CCDC68: variants seen among roughly 807,000 people sequenced by gnomAD.
The protein encoded by CCDC68 is coiled-coil domain containing 68.
CCDC68 carries 45 observed loss-of-function variants against 47.1 expected under a neutral mutation model. The observed-to-expected ratio is 0.96, with a 90% CI of 0.75 to 1.23. The LOEUF (loss-of-function observed/expected upper bound fraction) is 1.23, where lower values mean the gene tolerates loss of function less well. Among genes scored for constraint, CCDC68 ranks in the 50% most tolerant of loss-of-function variants. CCDC68 has a pLI of 0.00. For synonymous variants in CCDC68, 131 were observed against 129.5 expected (o/e 1.01, Z -0.08); for missense variants, 353 against 373.6 (o/e 0.94, Z 0.45).
chr18:54,951,407 G>A (rs932360746), intron 1 of CCDC68, among the ~76,000 whole-genome samples: 35 of 152,278 alleles, frequency 2.3e-4, no homozygotes, highest in African/African-American at 7.5e-4. Context: ...TATATGCCAG[G>A]TAGGGTATGC....
chr18:54,937,175 A>G (rs2044364394), intron 5 of CCDC68: 19 of 520,166 alleles, frequency 3.7e-5, no homozygotes, highest in South Asian at 3.2e-4. Flanking sequence ...CAGATTTGCC[A>G]TAGTCAAACC....
At chr18:54,949,466 AT>A in intron 1 of CCDC68, among the ~76,000 whole-genome samples, 1 of 152,134 alleles carries the variant, frequency 6.6e-6, no homozygotes, top group East Asian at 1.9e-4. Flanking sequence ...GCTATTACGG[AT>A]CCCCCAGGAT....
chr18:54,931,338 C>G (rs748002054), intron 7 of CCDC68, among the ~76,000 whole-genome samples: 9 of 152,176 alleles, frequency 5.9e-5, no homozygotes, highest in Non-Finnish European at 1.3e-4. Context: ...TTCACAGCAC[C>G]ACACAGTGGG....
rs561005975 is a variant in CCDC68, at chr18:54,906,993, G to A, written c.950+793C>T. On this transcript the variant is annotated intron_variant, in intron 11 of 11. Transcript: ENST00000591504. ...TAGTGGGTCTGATTTTTCCACCTCC[G>A]GCACTGGGCTGAAGAGACGTTTAGA... 2.8e-3 allele frequency among the ~76,000 whole-genome samples: 422 copies of A among 152,302 alleles called. 6 individuals carry two copies. The highest frequency in any genetic ancestry group is 1.5e-3 in the Non-Finnish European group (100 of 68,022).
chr18:54,950,788 G>GTATATATATATATATATATATATC (rs759466735), intron 1 of CCDC68, among the ~76,000 whole-genome samples: 2 of 97,304 alleles, frequency 2.1e-5, no homozygotes, highest in African/African-American at 7.8e-5. Context: ...TATCTTCAGT[G>GTATATATATATATATATATATATC]TATATATATA....
At chr18:54,915,700 G>A (rs1479320631) in intron 10 of CCDC68, among the ~76,000 whole-genome samples, 2 of 152,138 alleles carry the variant, frequency 1.3e-5, no homozygotes, top group African/African-American at 4.8e-5. Flanking sequence ...AGGCCGAGGT[G>A]GGCAGATCGC....
At chr18:54,954,951 T>A (rs542509557) in intron 1 of CCDC68, among the ~76,000 whole-genome samples, 1 of 152,130 alleles carries the variant, frequency 6.6e-6, no homozygotes, top group South Asian at 2.1e-4. Flanking sequence ...GAAAACTATA[T>A]TATTTAACCT....
chr18:54,920,086 G>C (rs2044029898), intron 8 of CCDC68, among the ~76,000 whole-genome samples: 1 of 152,036 alleles, frequency 6.6e-6, no homozygotes, highest in Non-Finnish European at 1.5e-5. Flanking sequence ...GTACTGTTTT[G>C]GCTGTTTCTC....
At chr18:54,935,060 T>G in intron 6 of CCDC68, 112 bp from the exon 7 acceptor site, 1 of 732,170 alleles carries the variant, frequency 1.4e-6, no homozygotes, top group Non-Finnish European at 1.9e-6. Flanking sequence ...GAATTCATAC[T>G]TGTTTAGAAT....
chr18:54,939,727 T>C (rs2044406102), intron 4 of CCDC68, among the ~76,000 whole-genome samples: 1 of 152,098 alleles, frequency 6.6e-6, no homozygotes, highest in South Asian at 2.1e-4. Context: ...GACAGAGGGG[T>C]CCCGCCGTGC....
chr18:54,937,194 G>T, intron 5 of CCDC68: 1 of 493,332 alleles, frequency 2.0e-6, no homozygotes, highest in Non-Finnish European at 3.7e-6. Context: ...CCAAACCAGA[G>T]CTCTGTGCAT....
At chr18:54,911,525 G>A (rs1914366408) in intron 10 of CCDC68, among the ~76,000 whole-genome samples, 1 of 152,160 alleles carries the variant, frequency 6.6e-6, no homozygotes, top group Non-Finnish European at 1.5e-5. Context: ...CAAGAGTGAA[G>A]CTAAGTTTCA....
At chr18:54,922,337 C>A (rs1451263417) in intron 8 of CCDC68, among the ~76,000 whole-genome samples, 1 of 152,108 alleles carries the variant, frequency 6.6e-6, no homozygotes, top group Non-Finnish European at 1.5e-5. Context: ...ACATTCTGAA[C>A]AAACAGTGAG....
At chr18:54,911,293 C>T (rs188703058) in intron 10 of CCDC68, among the ~76,000 whole-genome samples, 16 of 152,224 alleles carry the variant, frequency 1.1e-4, no homozygotes, top group East Asian at 1.9e-4. Flanking sequence ...TCCAGTGACC[C>T]GCCCGCCTCA....
intron 11 of CCDC68, among the ~76,000 whole-genome samples, chr18:54,907,121 T>G (rs1914057060): frequency 1.3e-5 from 2 of 152,210 alleles, no homozygotes; most frequent in South Asian, 4.1e-4. Flanking sequence ...TTAGAGACTA[T>G]GTTTTCTTTT....
chr18:54,953,551 T>TAGAGAGAGAG (rs35449564), intron 1 of CCDC68, among the ~76,000 whole-genome samples: 12 of 150,620 alleles, frequency 8.0e-5, no homozygotes, highest in African/African-American at 2.9e-4. Flanking sequence ...TATATATATA[T>TAGAGAGAGAG]AGAGAGAGAG....
chr18:54,936,763 C>T (rs1164551278), intron 6 of CCDC68, 70 bp downstream of exon 6: 1 of 1,588,380 alleles, frequency 6.3e-7, no homozygotes, highest in Non-Finnish European at 8.6e-7. Flanking sequence ...TCTAACTCTT[C>T]TAGAAAGATG....
chr18:54,935,073 C>T, intron 6 of CCDC68, 125 bp from the exon 7 acceptor site: 3 of 660,434 alleles, frequency 4.5e-6, no homozygotes, highest in Non-Finnish European at 6.7e-6. Flanking sequence ...TTTAGAATTA[C>T]TCTTTTGATT....
At chr18:54,914,755 G>A (rs2043916784) in intron 10 of CCDC68, among the ~76,000 whole-genome samples, 1 of 152,160 alleles carries the variant, frequency 6.6e-6, no homozygotes, top group Non-Finnish European at 1.5e-5. Context: ...TTTCATGAGA[G>A]GAGAGGGACA....
Sources: gnomAD v4.1 joint callset for allele counts (sites outside exome capture counted in the v4.1 genomes callset) on GRCh38, gnomAD v4.1.1 for gene constraint, MANE v1.5 for transcripts, NCBI Gene and HGNC (gene_info 2026-07-23, HGNC 2026-07-21) for gene names.